PPARGC1A: variants seen among roughly 807,000 people sequenced by gnomAD.
PPARGC1A encodes peroxisome proliferator-activated receptor gamma coactivator 1-alpha.
PPARGC1A carries 25 observed loss-of-function variants against 88.7 expected under a neutral mutation model. That is an observed-to-expected ratio of 0.28 (90% CI 0.21 to 0.39). PPARGC1A has a LOEUF of 0.39. PPARGC1A is among the 10% of genes least tolerant of loss of function. PPARGC1A has a pLI of 1.00. For missense variants in PPARGC1A, 880 were observed against 968.7 expected (o/e 0.91, Z 1.22); for synonymous variants, 363 against 355.6 (o/e 1.02, Z -0.24).
the PPARGC1A span, among the ~76,000 whole-genome samples, chr4:24,448,692 A>C: frequency 6.6e-6 from 1 of 152,134 alleles, no homozygotes; most frequent in African/African-American, 2.4e-5. Flanking sequence ...CACTACCCAG[A>C]AGATCGAAGG....
intron 10 of PPARGC1A, among the ~76,000 whole-genome samples, chr4:23,802,613 G>A (rs1718999022): frequency 1.4e-5 from 2 of 146,474 alleles, no homozygotes; most frequent in Admixed American, 7.0e-5. Context: ...GGAGGCAGAG[G>A]TTGCAGTGAG....
the PPARGC1A span, among the ~76,000 whole-genome samples, chr4:24,026,535 T>C: frequency 6.6e-6 from 1 of 151,894 alleles, no homozygotes; most frequent in Non-Finnish European, 1.5e-5. Flanking sequence ...TCTTTCTAAA[T>C]CAGTACTCAA....
At chr4:23,849,196 A>T (rs1279748868) in intron 2 of PPARGC1A, among the ~76,000 whole-genome samples, 1 of 152,208 alleles carries the variant, frequency 6.6e-6, no homozygotes, top group Non-Finnish European at 1.5e-5. Flanking sequence ...GGATTAAATG[A>T]GACACTGAGC....
chr4:23,892,270 T>C (rs987073087), upstream of PPARGC1A, among the ~76,000 whole-genome samples: 3 of 152,278 alleles, frequency 2.0e-5, no homozygotes, highest in East Asian at 3.9e-4. Context: ...TGATTTCAAA[T>C]ACACTTGTGT....
At chr4:24,281,583 G>A in the PPARGC1A span, among the ~76,000 whole-genome samples, 2 of 152,196 alleles carry the variant, frequency 1.3e-5, no homozygotes, top group East Asian at 3.9e-4. Context: ...CTCCAACACT[G>A]AGGATTGAAT....
chr4:24,384,558 C>CAAAAAA, the PPARGC1A span, among the ~76,000 whole-genome samples: 65 of 53,788 alleles, frequency 1.2e-3, 1 homozygote, highest in African/African-American at 1.4e-3. Context: ...AAATGGAAAG[C>CAAAAAA]AAAAAAAAAA....
chr4:24,206,763 C>G, the PPARGC1A span, among the ~76,000 whole-genome samples: 9,349 of 144,826 alleles, frequency 0.065, 423 homozygotes, highest in African/African-American at 0.13. Context: ...TCTCTTGAAC[C>G]TGGGAGGTGG....
At chr4:24,459,751 G>A in the PPARGC1A span, among the ~76,000 whole-genome samples, 6 of 152,174 alleles carry the variant, frequency 3.9e-5, no homozygotes, top group Non-Finnish European at 5.9e-5. Flanking sequence ...AGATTGCGCC[G>A]CTGAAATCCA....
At chr4:24,370,443 C>G in the PPARGC1A span, among the ~76,000 whole-genome samples, 1 of 151,890 alleles carries the variant, frequency 6.6e-6, no homozygotes, top group Non-Finnish European at 1.5e-5. Flanking sequence ...ACAAATAACA[C>G]AAAAAAAGAG....
the PPARGC1A span, among the ~76,000 whole-genome samples, chr4:24,098,348 A>G: frequency 2.6e-5 from 4 of 152,222 alleles, no homozygotes; most frequent in Admixed American, 6.5e-5. Context: ...ATGTGCATTT[A>G]TATGTTTTAA....
the PPARGC1A span, among the ~76,000 whole-genome samples, chr4:24,336,106 CTA>C: frequency 1.3e-5 from 2 of 151,982 alleles, no homozygotes; most frequent in Admixed American, 6.6e-5. Context: ...CATCCTTTCT[CTA>C]TCTTTCTGTC....
At chr4:23,983,162 T>A in the PPARGC1A span, among the ~76,000 whole-genome samples, 1 of 152,156 alleles carries the variant, frequency 6.6e-6, no homozygotes, top group Non-Finnish European at 1.5e-5. Flanking sequence ...TTTTTCTCAG[T>A]GGCAAAATGT....
chr4:24,120,583 A>C, the PPARGC1A span, among the ~76,000 whole-genome samples: 2 of 152,194 alleles, frequency 1.3e-5, no homozygotes, highest in African/African-American at 4.8e-5. Context: ...ATTGAATGGC[A>C]GCTATGGTCT....
chr4:24,374,967 T>C, the PPARGC1A span, among the ~76,000 whole-genome samples: 39 of 142,454 alleles, frequency 2.7e-4, no homozygotes, highest in South Asian at 6.6e-4. Context: ...TTATTAGTAA[T>C]AGTCAAAAAG....
At chr4:24,443,214 T>C in the PPARGC1A span, among the ~76,000 whole-genome samples, 1 of 151,902 alleles carries the variant, frequency 6.6e-6, no homozygotes, top group African/African-American at 2.4e-5. Flanking sequence ...CTCTCTTCCT[T>C]CAGTTTTAAC....
chr4:24,075,764 C>T, the PPARGC1A span, among the ~76,000 whole-genome samples: 1 of 152,132 alleles, frequency 6.6e-6, no homozygotes, highest in Non-Finnish European at 1.5e-5. Flanking sequence ...TGCCTTCTGC[C>T]ATGATTGTGA....
At chr4:23,893,181 A>T (rs533799770), upstream of PPARGC1A, among the ~76,000 whole-genome samples, 296 of 9,364 alleles carry the variant, frequency 0.032, no homozygotes, top group African/African-American at 0.33. Context: ...AACAAAGAGA[A>T]AAAAAAAAAC....
At chr4:24,096,968 C>T in the PPARGC1A span, among the ~76,000 whole-genome samples, 1 of 152,116 alleles carries the variant, frequency 6.6e-6, no homozygotes, top group Admixed American at 6.5e-5. Context: ...GTGACTCACT[C>T]CTATAATCCC....
chr4:24,009,132 A>AT, the PPARGC1A span, among the ~76,000 whole-genome samples: 134 of 38,690 alleles, frequency 3.5e-3, no homozygotes, highest in Admixed American at 0.039. Context: ...CCCGCAGTCT[A>AT]TAAAAAAAAA....
Sources: allele counts gnomAD v4.1 joint callset (sites outside exome capture counted in the v4.1 genomes callset), GRCh38; gene constraint gnomAD v4.1.1; transcripts MANE v1.5; gene names NCBI Gene and HGNC (gene_info 2026-07-23, HGNC 2026-07-21).